Variants in ESR1 observed in about 807,000 individuals in gnomAD.
ESR1 encodes estrogen receptor.
Under a neutral mutation model 52.7 loss-of-function variants are expected in ESR1, and 12 were observed. That is an observed-to-expected ratio of 0.23 (90% CI 0.15 to 0.37). The LOEUF (loss-of-function observed/expected upper bound fraction) is 0.37. Ranked by LOEUF, ESR1 falls within the 10% of genes least tolerant of loss-of-function variation. The pLI is 1.00. For missense variants in ESR1, 584 were observed against 779.7 expected (o/e 0.75, Z 2.99); for synonymous variants, 305 against 316.8 (o/e 0.96, Z 0.39).
Position 151,955,026 on chromosome 6 carries a change from A to T in ESR1, c.1096+10518A>T, listed in dbSNP as rs145900812. On this transcript the variant is annotated intron_variant, in intron 4 of 7. Transcript: ENST00000206249. ...AAAAGATTTACAAGTATGTAAATAA[A>T]ATCAAATAGTCAATTAGTATCTAAC... is the stretch of plus-strand genomic sequence containing the variant. Among the ~76,000 whole-genome samples the T allele has an allele frequency of 4.1e-3, 624 of 152,350 alleles. 3 individuals carry two copies. Among genetic ancestry groups the T allele is most frequent in the African/African-American group, 0.014 (579 of 41,580 alleles).
At chr6:151,987,297 T>C (rs2040582569) in intron 4 of ESR1, among the ~76,000 whole-genome samples, 1 of 152,084 alleles carries the variant, frequency 6.6e-6, no homozygotes, top group Admixed American at 6.5e-5. Flanking sequence ...CTTGCTCTGT[T>C]GCCCAGGCTG....
rs944793759 is a variant in ESR1, at chr6:152,120,684, T to A, written c.851-4582T>A. ...TTCAGCAGTTAGGAGGAATAAAGTC[T>A]CCTCAGGCATCTCTTTAAAATGCCG... On this transcript the variant is annotated intron_variant, in intron 6 of 6. Transcript: ENST00000427531. Among the ~76,000 whole-genome samples, 6 of 152,026 alleles carry A rather than the reference T, an allele frequency of 3.9e-5. No individual in the cohort carries two copies. In the East Asian group the frequency reaches 1.2e-3, roughly 29 times the overall value.
At chr6:151,858,188 C>T (rs966924712) in intron 2 of ESR1, among the ~76,000 whole-genome samples, 1 of 152,162 alleles carries the variant, frequency 6.6e-6, no homozygotes, top group Admixed American at 6.5e-5. Flanking sequence ...GTCAGGTGGA[C>T]ATCAGGTAGC....
At chr6:151,902,645 T>C (rs1796861063) in intron 3 of ESR1, among the ~76,000 whole-genome samples, 1 of 152,228 alleles carries the variant, frequency 6.6e-6, no homozygotes, top group South Asian at 2.1e-4. Flanking sequence ...ACAAGATACG[T>C]AACCTCTTCA....
intron 2 of ESR1, among the ~76,000 whole-genome samples, chr6:151,749,532 C>T (rs996444410): frequency 1.3e-5 from 2 of 152,236 alleles, no homozygotes; most frequent in African/African-American, 4.8e-5. Context: ...TCTCACCTAA[C>T]TGCAACTTTG....
At chr6:151,835,826 C>T (rs757645552) in intron 1 of ESR1, among the ~76,000 whole-genome samples, 23 of 151,704 alleles carry the variant, frequency 1.5e-4, no homozygotes, top group Admixed American at 8.5e-4. Flanking sequence ...TTGAGTTTCC[C>T]GGTTTATCAC....
intron 2 of ESR1, among the ~76,000 whole-genome samples, chr6:151,774,203 C>A (rs1326816445): frequency 6.6e-6 from 1 of 152,140 alleles, no homozygotes; most frequent in Admixed American, 6.5e-5. Context: ...TACTGGCAAC[C>A]AAAGATGGGG....
chr6:151,946,452 A>T (rs149464731), intron 4 of ESR1, among the ~76,000 whole-genome samples: 160 of 152,332 alleles, frequency 1.1e-3, no homozygotes, highest in African/African-American at 3.7e-3. Flanking sequence ...TTCTGAATTT[A>T]GGAATAAAAT....
In ESR1 at chr6:152,016,403, T is replaced by A. The variant is rs570248130; in HGVS notation, c.1235+4609T>A. Among the ~76,000 whole-genome samples the A allele has an allele frequency of 4.4e-4, 67 of 152,264 alleles. 1 individual carries two copies. In the South Asian group the frequency reaches 0.01, roughly 23 times the overall value. On this transcript the variant is annotated intron_variant, in intron 5 of 7. Transcript: ENST00000206249. The stretch of plus-strand genomic sequence containing the variant: ...TGATATTAAAAATATGGTCTATAAT[T>A]TTTTAAATTATCTACCTTTCTAATC...
chr6:151,736,133 C>T (rs1011647291), intron 2 of ESR1, among the ~76,000 whole-genome samples: 7 of 152,278 alleles, frequency 4.6e-5, no homozygotes, highest in African/African-American at 1.7e-4. Context: ...TAATAGAAGG[C>T]TCTTTACCTT....
intron 5 of ESR1, among the ~76,000 whole-genome samples, chr6:152,047,435 A>G (rs1449389515): frequency 6.6e-6 from 1 of 152,136 alleles, no homozygotes; most frequent in Non-Finnish European, 1.5e-5. Context: ...AAGGTTTTTT[A>G]TAAGAGGAAG....
chr6:151,681,167 T>C (rs1778445170), intron 1 of ESR1, among the ~76,000 whole-genome samples: 1 of 152,206 alleles, frequency 6.6e-6, no homozygotes, highest in African/African-American at 2.4e-5. Flanking sequence ...GCTCGTCTTC[T>C]GAAATTTTGA....
chr6:151,969,755 A>G (rs1027739296), intron 4 of ESR1, among the ~76,000 whole-genome samples: 1 of 152,078 alleles, frequency 6.6e-6, no homozygotes, highest in Non-Finnish European at 1.5e-5. Context: ...AACACCTTAG[A>G]CGTTTTTTCA....
In ESR1 at chr6:151,976,748, TC is replaced by T. The variant is rs752077784; in HGVS notation, c.1096+32241del. Among the ~76,000 whole-genome samples the T allele has an allele frequency of 2.4e-3, 360 of 152,274 alleles. 1 individual carries two copies. The highest frequency in any genetic ancestry group is 0.01 in the Middle Eastern group (3 of 294). ...TTATATTAGTCATCATCACCTAATA[TC>T]TTAAATATTTAACCTTTTATGCAGT... On this transcript the variant is annotated intron_variant, in intron 4 of 7. Transcript: ENST00000206249.
In ESR1 at chr6:151,717,527, T is replaced by C. The variant is rs367593130; in HGVS notation, c.-71+15522T>C. On this transcript the variant is annotated intron_variant, in intron 2 of 2. Coordinates refer to the ESR1 transcript ENST00000404742. ...ATTTCTACATTATTTAGATCTTGTG[T>C]TAGGTTTTTCCATAAGATTAATTTT... 1.1e-4 allele frequency among the ~76,000 whole-genome samples: 16 copies of C among 152,352 alleles called. No individual in the cohort carries two copies. The South Asian group carries it at 2.7e-3, about 26-fold the overall frequency.
intron 3 of ESR1, among the ~76,000 whole-genome samples, chr6:151,929,674 T>C (rs2033293259): frequency 1.1e-5 from 1 of 92,276 alleles, no homozygotes. Context: ...TAGCTGGGTG[T>C]GGAGGCAGCC....
intron 4 of ESR1, among the ~76,000 whole-genome samples, chr6:151,973,858 G>A (rs551974277): frequency 4.6e-5 from 7 of 152,132 alleles, no homozygotes; most frequent in Non-Finnish European, 7.3e-5. Context: ...GAGGCCCTTC[G>A]TGCTCCTGTT....
rs372717947 is a variant in ESR1 at position 152,109,471 on chromosome 6, G to T, written c.851-15795G>T. Among the ~76,000 whole-genome samples, 6 of 151,180 alleles carry T rather than the reference G, an allele frequency of 4.0e-5. No homozygotes were observed. In the East Asian group the frequency reaches 1.2e-3, roughly 29 times the overall value. On this transcript the variant is annotated intron_variant, in intron 6 of 6. Coordinates refer to the ESR1 transcript ENST00000427531. Reference sequence around the variant, plus strand: ...ACCTGAGGTAGGGAGTTTGAGACCAGTCTGGGCAACATGGAGAAACTCCGT... The same window carrying T: ...ACCTGAGGTAGGGAGTTTGAGACCATTCTGGGCAACATGGAGAAACTCCGT...
chr6:151,660,572 G>A (rs4870047), intron 1 of ESR1, among the ~76,000 whole-genome samples: 2,397 of 152,248 alleles, frequency 0.016, 64 homozygotes, highest in African/African-American at 0.053. Flanking sequence ...TAGGAGTCCA[G>A]CCATTAAAAT....
Sources: gnomAD v4.1 joint callset for allele counts (sites outside exome capture counted in the v4.1 genomes callset) on GRCh38, gnomAD v4.1.1 for gene constraint, MANE v1.5 for transcripts, NCBI Gene and HGNC (gene_info 2026-07-23, HGNC 2026-07-21) for gene names.